The following FADS2 variants were observed in gnomAD, a reference collection of about 807,000 sequenced individuals.
The protein encoded by FADS2 is fatty acid desaturase 2.
In FADS2, 18 loss-of-function variants were observed where a neutral mutation model predicts 61.2. The ratio of observed to expected loss-of-function variants is 0.29; its 90% CI spans 0.20 to 0.44. The LOEUF (loss-of-function observed/expected upper bound fraction) is 0.44. FADS2 is among the 20% of genes least tolerant of loss of function. The probability of loss-of-function intolerance (pLI) is 1.00; values close to 1 mark genes in which losing one functional copy is unlikely to be tolerated. For missense variants in FADS2, 322 were observed against 572.7 expected, an observed-to-expected ratio of 0.56 and a Z score of 4.47; for synonymous variants, 203 against 223.9, an observed-to-expected ratio of 0.91 and a Z score of 0.83.
intron 4 of FADS2, among the ~76,000 whole-genome samples, chr11:61,844,164 G>A (rs554430758): frequency 2.0e-4 from 31 of 152,256 alleles, no homozygotes; most frequent in Middle Eastern, 3.4e-3. Flanking sequence ...CAATGAAGAA[G>A]TTGATGTATT....
At chr11:61,863,240 G>T in intron 8 of FADS2, 42 bp from the exon 9 acceptor site, 1 of 1,540,322 alleles carries the variant, frequency 6.5e-7, no homozygotes, top group Non-Finnish European at 9.0e-7. Context: ...CACTGTGGCT[G>T]GGCCCCCGGA....
At chr11:61,827,143 C>G (rs2067092233), upstream of FADS2, among the ~76,000 whole-genome samples, 1 of 152,200 alleles carries the variant, frequency 6.6e-6, no homozygotes, top group Non-Finnish European at 1.5e-5. This position sits in a 1 kb window ranked among gnomAD's most constrained non-coding sequence, Gnocchi z 4.5. Context: ...CCCAGGACGC[C>G]CGGCACTAAG....
At chr11:61,850,069 G>T (rs925692663) in intron 5 of FADS2, among the ~76,000 whole-genome samples, 3 of 151,928 alleles carry the variant, frequency 2.0e-5, no homozygotes, top group African/African-American at 7.3e-5. Context: ...ATTCTACCTT[G>T]TATCCTGCAA....
intron 1 of FADS2, chr11:61,821,256 G>A (rs1200556797): frequency 3.7e-5 from 22 of 590,340 alleles, no homozygotes; most frequent in Non-Finnish European, 4.8e-5. Flanking sequence ...ACAGTGACTC[G>A]TGCCTATAAT....
chr11:61,862,568 CAGG>C (rs2067426834), intron 7 of FADS2: 1 of 234,330 alleles, frequency 4.3e-6, no homozygotes, highest in African/African-American at 2.3e-5. Context: ...AAGGAGATGC[CAGG>C]AGGAGACCCA....
At chr11:61,856,933 G>T in intron 5 of FADS2, 78 bp from the exon 6 acceptor site, 1 of 1,109,622 alleles carries the variant, frequency 9.0e-7, no homozygotes. Flanking sequence ...AGGGATGGTG[G>T]CTGCAGGATG....
In FADS2 at chr11:61,828,706, G is replaced by A. The variant is rs2135953445; in HGVS notation, c.207+109G>A. 2.2e-6 allele frequency: 2 copies of A among 928,158 alleles called. No homozygotes were observed. The highest frequency in any genetic ancestry group is 3.3e-6 in the Non-Finnish European group (2 of 608,704). 57.5% of individuals were successfully genotyped at this position (928,158 alleles called of 1,614,324 possible). A position where few individuals can be genotyped will look rare whatever the true frequency, so the allele number is the denominator to read the frequency against. On this transcript the variant is annotated intron_variant, in intron 1 of 11. Transcript: ENST00000278840. This position sits in a 1 kb window ranked among gnomAD's most constrained non-coding sequence, Gnocchi z 6.4. ...TCCGGCGCTGAATGGAGCTTGGGAC[G>A]TCCTGTAGGGAAGGAAAGTGCATCT...
At chr11:61,833,069 T>C (rs1307911809) in intron 1 of FADS2, among the ~76,000 whole-genome samples, 1 of 152,214 alleles carries the variant, frequency 6.6e-6, no homozygotes, top group Non-Finnish European at 1.5e-5. Context: ...ACCTGGGTGA[T>C]GGCAGAAGCA....
Position 61,865,633 on chromosome 11 carries a change from T to C in FADS2, c.1284-5T>C. The C allele has an allele frequency of 6.2e-7, 1 of 1,613,100 alleles. No individual in the cohort carries two copies. The highest frequency in any genetic ancestry group is 8.5e-7 in the Non-Finnish European group (1 of 1,179,564). ...CCTGACCCTGGTCCATCCCCAACTT[T>C]GCAGGTCCCTGAAGAAGTCTGGGAA... On this transcript the variant is annotated splice_region_variant and splice_polypyrimidine_tract_variant and intron_variant, in intron 11 of 11. Coordinates refer to ENST00000278840, the MANE Select transcript of FADS2 (RefSeq NM_004265.4). This position sits in a 1 kb window ranked among gnomAD's most constrained non-coding sequence, Gnocchi z 4.1.
upstream of FADS2, chr11:61,826,283 G>C (rs893050549): frequency 1.4e-6 from 1 of 702,336 alleles, no homozygotes; most frequent in African/African-American, 1.7e-5. Context: ...GTTTTTTCAG[G>C]ACCTACCCTG....
chr11:61,838,063 G>T (rs369037848), intron 2 of FADS2, among the ~76,000 whole-genome samples, 175 bp downstream of exon 2: 1 of 152,150 alleles, frequency 6.6e-6, no homozygotes, highest in East Asian at 1.9e-4. Flanking sequence ...GAGCCTCCCT[G>T]GGAGCCGGGG....
At chr11:61,847,303 T>C (rs1045760213) in intron 4 of FADS2, 11 of 152,306 alleles carry the variant, frequency 7.2e-5, no homozygotes, top group East Asian at 5.8e-4. Context: ...ACCATCATCA[T>C]AGTCGATTTT....
chr11:61,860,604 A>G (rs567469848), intron 7 of FADS2, among the ~76,000 whole-genome samples: 1 of 152,218 alleles, frequency 6.6e-6, no homozygotes, highest in East Asian at 1.9e-4. Context: ...ATCTCTGTGT[A>G]TGTGTTGCTC....
chr11:61,837,809 A>C lies in FADS2; in HGVS notation c.239A>C (p.Glu80Ala). The C allele has an allele frequency of 6.2e-7, 1 of 1,613,550 alleles. No homozygotes were observed. Residue 80 changes from glutamate (E) to alanine (A), a missense_variant, in exon 2 of 12, where the codon GAA (glutamate) becomes GCA (alanine). Glu to Ala is a moderately radical substitution (Grantham distance 107). Coordinates refer to ENST00000278840, the MANE Select transcript of FADS2 (RefSeq NM_004265.4). Reference sequence around the variant, plus strand: ...TTCCGCGCCTTCCACCCTGACCTGGAATTCGTGGGCAAGTTCTTGAAACCC... The same window carrying C: ...TTCCGCGCCTTCCACCCTGACCTGGCATTCGTGGGCAAGTTCTTGAAACCC... Reference protein sequence around the residue: ...DAFRAFHPDLEFVGKFLKPLL... With the variant: ...DAFRAFHPDLAFVGKFLKPLL...
At chr11:61,864,575 A>G (rs2067445768) in intron 10 of FADS2, among the ~76,000 whole-genome samples, 1 of 150,932 alleles carries the variant, frequency 6.6e-6, no homozygotes, top group African/African-American at 2.4e-5. Flanking sequence ...TGTATTTTTT[A>G]GTGGAGACGG....
chr11:61,824,486 G>GAA (rs2067062408), upstream of FADS2, among the ~76,000 whole-genome samples: 4 of 9,268 alleles, frequency 4.3e-4, no homozygotes, highest in Non-Finnish European at 2.5e-3. Context: ...GAGAGAGAGA[G>GAA]AGAGAAAGAA....
intron 1 of FADS2, among the ~76,000 whole-genome samples, chr11:61,830,414 T>A (rs1330590196): frequency 6.6e-6 from 1 of 152,260 alleles, no homozygotes; most frequent in Non-Finnish European, 1.5e-5. Flanking sequence ...TTCTTCCTTG[T>A]TCTGGATGTT....
At chr11:61,832,457 G>C (rs1288354497) in intron 1 of FADS2, among the ~76,000 whole-genome samples, 1 of 152,226 alleles carries the variant, frequency 6.6e-6, no homozygotes, top group African/African-American at 2.4e-5. Context: ...CCAGGAAGCA[G>C]TTCTGAGATG....
intron 8 of FADS2, 70 bp from the exon 9 acceptor site, chr11:61,863,212 G>A: frequency 6.8e-7 from 1 of 1,464,444 alleles, no homozygotes; most frequent in Non-Finnish European, 9.6e-7. Flanking sequence ...GGGCTGGTTG[G>A]GAGAGTGGAT....
Sources: allele counts gnomAD v4.1 joint callset (sites outside exome capture counted in the v4.1 genomes callset), GRCh38; gene constraint gnomAD v4.1.1; non-coding constraint Gnocchi (gnomAD v3.1); transcripts MANE v1.5; gene names NCBI Gene and HGNC (gene_info 2026-07-23, HGNC 2026-07-21).